The following CD247 variants were observed in gnomAD, a reference collection of about 807,000 sequenced individuals.
The protein encoded by CD247 is T-cell surface glycoprotein CD3 zeta chain.
In CD247, 13 loss-of-function variants were observed where a neutral mutation model predicts 30.0. The observed-to-expected ratio is 0.43, with a 90% confidence interval of 0.28 to 0.69. CD247 has a LOEUF of 0.69. CD247 is among the 30% of genes least tolerant of loss of function. The pLI is 0.16. For synonymous variants in CD247, 72 were observed against 80.0 expected (o/e 0.90, Z 0.53); for missense variants, 193 against 212.6 (o/e 0.91, Z 0.57).
At chr1:167,455,251 G>T (rs538683437) in intron 1 of CD247, among the ~76,000 whole-genome samples, 1 of 152,362 alleles carries the variant, frequency 6.6e-6, no homozygotes, top group African/African-American at 2.4e-5. Flanking sequence ...GCTAAGCCGC[G>T]CTCACGCCGC....
At chr1:167,512,237 A>T (rs1160899350) in intron 1 of CD247, among the ~76,000 whole-genome samples, 1 of 152,160 alleles carries the variant, frequency 6.6e-6, no homozygotes, top group African/African-American at 2.4e-5. Context: ...CCGACGCACA[A>T]GCAGAAGGGA....
At chr1:167,438,488 G>C in intron 4 of CD247, 82 bp downstream of exon 4, 2 of 1,075,626 alleles carry the variant, frequency 1.9e-6, no homozygotes, top group East Asian at 4.7e-5. Flanking sequence ...GTTGCAGAGT[G>C]AGCTGAGGAG....
rs1018335849 is a variant in CD247 at position 167,435,544 on chromosome 1, G to A, written c.301-110C>T. ...GACTGCAGTTTCCTGGGGCTCTGCC[G>A]TCTGCCTCTCTCCTCCCTGTGCTAC... On this transcript the variant is annotated intron_variant, in intron 4 of 7. Coordinates refer to ENST00000362089, the MANE Select transcript of CD247 (RefSeq NM_198053.3). 203 of 877,558 alleles carry A rather than the reference G, an allele frequency of 2.3e-4. 1 individual carries two copies. In the East Asian group the frequency reaches 3.6e-3, roughly 16 times the overall value. The allele number at this position is 877,558 out of a possible 1,614,324, so 54.4% of individuals were successfully genotyped here.
intron 1 of CD247, among the ~76,000 whole-genome samples, chr1:167,515,531 T>C (rs1655567274): frequency 6.6e-6 from 1 of 152,242 alleles, no homozygotes; most frequent in Non-Finnish European, 1.5e-5. Context: ...CCATCTTGCA[T>C]ATATTTTTTC....
At chr1:167,492,164 A>G (rs184687489) in intron 1 of CD247, among the ~76,000 whole-genome samples, 1 of 152,368 alleles carries the variant, frequency 6.6e-6, no homozygotes, top group Admixed American at 6.5e-5. Flanking sequence ...AAAACAAACA[A>G]ACAAAAAACC....
intron 1 of CD247, among the ~76,000 whole-genome samples, chr1:167,489,874 A>T (rs1654368805): frequency 6.6e-6 from 1 of 152,178 alleles, no homozygotes; most frequent in Non-Finnish European, 1.5e-5. Context: ...TTTAAAATGC[A>T]TTAAACCCAA....
At chr1:167,446,658 A>G (rs982669289) in intron 1 of CD247, among the ~76,000 whole-genome samples, 2 of 152,214 alleles carry the variant, frequency 1.3e-5, no homozygotes, top group African/African-American at 4.8e-5. Flanking sequence ...TTCCCAGCCC[A>G]GGATGGGGAT....
At chr1:167,446,650 C>T (rs891064713) in intron 1 of CD247, among the ~76,000 whole-genome samples, 2 of 152,162 alleles carry the variant, frequency 1.3e-5, no homozygotes, top group African/African-American at 2.4e-5. Flanking sequence ...GGCCAGGTTT[C>T]CCAGCCCAGG....
At chr1:167,465,965 C>T (rs77784282) in intron 1 of CD247, among the ~76,000 whole-genome samples, 3,505 of 152,296 alleles carry the variant, frequency 0.023, 142 homozygotes, top group African/African-American at 0.08. Flanking sequence ...CTCCTGACAG[C>T]AATTGCCAGG....
intron 5 of CD247, 157 bp from the exon 6 acceptor site, chr1:167,434,233 C>T (rs1292947749): frequency 4.1e-6 from 3 of 727,654 alleles, no homozygotes; most frequent in Non-Finnish European, 4.9e-6. Context: ...ACACAAACTT[C>T]TCTGCCCACA....
intron 1 of CD247, among the ~76,000 whole-genome samples, chr1:167,463,561 C>T (rs1396964748): frequency 2.0e-5 from 3 of 152,238 alleles, no homozygotes; most frequent in Non-Finnish European, 4.4e-5. Context: ...AGGTTTGTAA[C>T]TTGCATCTCC....
At chr1:167,501,073 T>C (rs1484951988) in intron 1 of CD247, among the ~76,000 whole-genome samples, 4 of 145,394 alleles carry the variant, frequency 2.8e-5, no homozygotes, top group Admixed American at 1.3e-4. Flanking sequence ...TTTTTTTTTT[T>C]GACCGAGTTT....
intron 1 of CD247, among the ~76,000 whole-genome samples, chr1:167,490,491 C>T (rs1282392707): frequency 2.6e-5 from 4 of 152,018 alleles, no homozygotes; most frequent in South Asian, 2.1e-4. Flanking sequence ...GGCTTGGTGG[C>T]GCACGCCTGT....
At chr1:167,459,858 C>G (rs1652913429) in intron 1 of CD247, 1 of 152,158 alleles carries the variant, frequency 6.6e-6, no homozygotes, top group Non-Finnish European at 1.5e-5. Context: ...TATTTGGTGA[C>G]AGGTCTGTCC....
At chr1:167,472,402 A>G (rs978770924) in intron 1 of CD247, among the ~76,000 whole-genome samples, 2 of 152,226 alleles carry the variant, frequency 1.3e-5, no homozygotes, top group African/African-American at 4.8e-5. Flanking sequence ...TTTAGGCTGC[A>G]GTTCAGGTTG....
At chr1:167,447,142 T>C (rs2102004894) in intron 1 of CD247, among the ~76,000 whole-genome samples, 1 of 152,298 alleles carries the variant, frequency 6.6e-6, no homozygotes, top group East Asian at 1.9e-4. Flanking sequence ...AGAGAGCTCT[T>C]TGCACTTGCA....
chr1:167,487,371 A>G (rs1654257589), intron 1 of CD247, among the ~76,000 whole-genome samples: 1 of 152,198 alleles, frequency 6.6e-6, no homozygotes, highest in Non-Finnish European at 1.5e-5. Flanking sequence ...GTGAGATTCC[A>G]TCTAAAACAA....
intron 1 of CD247, among the ~76,000 whole-genome samples, chr1:167,482,613 G>A (rs2949655): frequency 0.39 from 59,274 of 152,058 alleles, 11,693 homozygotes; most frequent in Middle Eastern, 0.49. Context: ...CAGCAGGGGA[G>A]ACCTAGCTGC....
intron 1 of CD247, among the ~76,000 whole-genome samples, chr1:167,487,023 G>A (rs1654236834): frequency 6.8e-6 from 1 of 147,780 alleles, no homozygotes. Flanking sequence ...GCAGTGAGTC[G>A]AGATCATGCC....
Sources: gnomAD v4.1 joint callset for allele counts (sites outside exome capture counted in the v4.1 genomes callset) on GRCh38, gnomAD v4.1.1 for gene constraint, MANE v1.5 for transcripts, NCBI Gene and HGNC (gene_info 2026-07-23, HGNC 2026-07-21) for gene names.